The following PPARGC1A variants were observed in gnomAD, a reference collection of about 807,000 sequenced individuals.
PPARGC1A encodes peroxisome proliferator-activated receptor gamma coactivator 1-alpha.
A neutral mutation model predicts 88.7 loss-of-function variants in PPARGC1A; 25 were observed. The observed-to-expected ratio is 0.28, with a 90% confidence interval of 0.21 to 0.39. PPARGC1A has a LOEUF of 0.39. Ranked by LOEUF, PPARGC1A falls within the 10% of genes least tolerant of loss-of-function variation. PPARGC1A has a pLI of 1.00. For synonymous variants in PPARGC1A, 363 were observed against 355.6 expected (o/e 1.02, Z -0.24); for missense variants, 880 against 968.7 (o/e 0.91, Z 1.22).
At chr4:24,063,310 A>C in the PPARGC1A span, among the ~76,000 whole-genome samples, 8 of 152,206 alleles carry the variant, frequency 5.3e-5, no homozygotes, top group Non-Finnish European at 8.8e-5. Context: ...AATAAAAGTC[A>C]GAGGGAGAAG....
chr4:24,261,069 G>T, the PPARGC1A span, among the ~76,000 whole-genome samples: 1 of 152,076 alleles, frequency 6.6e-6, no homozygotes, highest in Admixed American at 6.6e-5. Flanking sequence ...CAGTTTCGCT[G>T]GCCTGTTTTC....
chr4:24,033,750 C>T, the PPARGC1A span, among the ~76,000 whole-genome samples: 1 of 152,170 alleles, frequency 6.6e-6, no homozygotes, highest in African/African-American at 2.4e-5. Context: ...GCAGTTATTC[C>T]TGTCTCATGC....
At chr4:24,465,437 A>G in the PPARGC1A span, among the ~76,000 whole-genome samples, 1 of 152,142 alleles carries the variant, frequency 6.6e-6, no homozygotes, top group Non-Finnish European at 1.5e-5. Context: ...AGAGTAAATC[A>G]CTTTTCTGCT....
At chr4:23,850,946 G>A (rs1316672303) in intron 2 of PPARGC1A, among the ~76,000 whole-genome samples, 1 of 152,048 alleles carries the variant, frequency 6.6e-6, no homozygotes, top group Non-Finnish European at 1.5e-5. Flanking sequence ...AAACTTAATT[G>A]TTAATTTTAT....
the PPARGC1A span, among the ~76,000 whole-genome samples, chr4:24,152,172 T>A: frequency 0.37 from 56,960 of 152,144 alleles, 11,848 homozygotes; most frequent in African/African-American, 0.56. Context: ...AAACATGAAG[T>A]TAGCTAAAGA....
At chr4:24,449,103 G>A in the PPARGC1A span, among the ~76,000 whole-genome samples, 2 of 152,150 alleles carry the variant, frequency 1.3e-5, no homozygotes, top group Non-Finnish European at 2.9e-5. Flanking sequence ...GACCCCACAA[G>A]AGCTGACTCA....
At chr4:23,916,759 T>C in the PPARGC1A span, among the ~76,000 whole-genome samples, 5 of 152,222 alleles carry the variant, frequency 3.3e-5, no homozygotes, top group Non-Finnish European at 5.9e-5. Context: ...CAAAGTAATA[T>C]ACAAATGTTA....
chr4:23,977,729 G>A, the PPARGC1A span, among the ~76,000 whole-genome samples: 1 of 152,184 alleles, frequency 6.6e-6, no homozygotes, highest in African/African-American at 2.4e-5. Flanking sequence ...ATAGCTCGAA[G>A]AGAAATACAA....
chr4:24,335,470 G>A, the PPARGC1A span, among the ~76,000 whole-genome samples: 7 of 152,028 alleles, frequency 4.6e-5, no homozygotes, highest in Non-Finnish European at 1.0e-4. Flanking sequence ...CTCCTCTATA[G>A]GGTTCCTTCC....
the PPARGC1A span, among the ~76,000 whole-genome samples, chr4:23,921,982 C>T: frequency 1.3e-5 from 2 of 152,186 alleles, no homozygotes; most frequent in African/African-American, 4.8e-5. Context: ...TTCGTTCATT[C>T]ATTCCACAAA....
intron 2 of PPARGC1A, among the ~76,000 whole-genome samples, chr4:23,872,866 T>C (rs1232136742): frequency 6.6e-6 from 1 of 152,150 alleles, no homozygotes; most frequent in South Asian, 2.1e-4. Flanking sequence ...AGTTGGAAAC[T>C]GAGAGCTTTA....
At chr4:24,122,415 GCATATATA>G in the PPARGC1A span, among the ~76,000 whole-genome samples, 42 of 114,470 alleles carry the variant, frequency 3.7e-4, no homozygotes, top group African/African-American at 1.2e-3. Context: ...GTGTGTGTGT[GCATATATA>G]TATATATATA....
the PPARGC1A span, among the ~76,000 whole-genome samples, chr4:24,280,151 T>C: frequency 6.6e-6 from 1 of 152,122 alleles, no homozygotes; most frequent in Admixed American, 6.6e-5. Flanking sequence ...GCGTCCCTTC[T>C]CATAGAGCAA....
the PPARGC1A span, among the ~76,000 whole-genome samples, chr4:23,963,160 G>C: frequency 2.0e-5 from 3 of 152,080 alleles, no homozygotes; most frequent in Non-Finnish European, 2.9e-5. Flanking sequence ...CTAAAACACA[G>C]GCTAAAGAAA....
chr4:24,424,325 G>C, the PPARGC1A span, among the ~76,000 whole-genome samples: 6 of 123,888 alleles, frequency 4.8e-5, no homozygotes, highest in Admixed American at 2.1e-4. Flanking sequence ...GCCCAGGCTC[G>C]AGTGCCCTGG....
chr4:24,363,249 G>A, the PPARGC1A span, among the ~76,000 whole-genome samples: 2 of 151,624 alleles, frequency 1.3e-5, no homozygotes, highest in Non-Finnish European at 2.9e-5. Context: ...ACTTACCTGA[G>A]CCTCAATCTT....
At chr4:24,239,006 C>A in the PPARGC1A span, among the ~76,000 whole-genome samples, 2 of 152,122 alleles carry the variant, frequency 1.3e-5, no homozygotes, top group African/African-American at 4.8e-5. Flanking sequence ...CCATTGCTAT[C>A]TTTCAGGCAC....
At chr4:24,040,161 C>A in the PPARGC1A span, among the ~76,000 whole-genome samples, 1 of 152,282 alleles carries the variant, frequency 6.6e-6, no homozygotes, top group East Asian at 1.9e-4. Context: ...TACACACTGA[C>A]TAGGTATCTT....
At chr4:24,051,965 G>T in the PPARGC1A span, among the ~76,000 whole-genome samples, 2 of 151,272 alleles carry the variant, frequency 1.3e-5, no homozygotes, top group Non-Finnish European at 2.9e-5. Context: ...AAAAGTAAGG[G>T]CCTCAAAATC....
Sources: allele counts gnomAD v4.1 joint callset (sites outside exome capture counted in the v4.1 genomes callset), GRCh38; gene constraint gnomAD v4.1.1; transcripts MANE v1.5; gene names NCBI Gene and HGNC (gene_info 2026-07-23, HGNC 2026-07-21).